Variants in ANKRD30BL observed in about 807,000 individuals in gnomAD.
ANKRD30BL encodes the protein putative ankyrin repeat domain-containing protein 30B-like.
A neutral mutation model predicts 18.4 loss-of-function variants in ANKRD30BL; 20 were observed. That is an observed-to-expected ratio of 1.09 (90% confidence interval 0.77 to 1.58). The LOEUF (loss-of-function observed/expected upper bound fraction) is 1.58, where lower values mean the gene tolerates loss of function less well. ANKRD30BL is among the 40% of genes most tolerant of loss of function. The probability of loss-of-function intolerance (pLI) is 0.00; values close to 1 mark genes in which losing one functional copy is unlikely to be tolerated. For missense variants in ANKRD30BL, 224 were observed against 268.6 expected, an observed-to-expected ratio of 0.83 and a Z score of 1.16; for synonymous variants, 72 against 100.9, an observed-to-expected ratio of 0.71 and a Z score of 1.72.
intron 1 of ANKRD30BL, among the ~76,000 whole-genome samples, chr2:132,252,919 G>A (rs1680697662): frequency 6.6e-6 from 1 of 152,058 alleles, no homozygotes; most frequent in Non-Finnish European, 1.5e-5. Flanking sequence ...TTTCATGGGT[G>A]GCGGTGCTGC....
intron 1 of ANKRD30BL, among the ~76,000 whole-genome samples, chr2:132,208,898 C>T (rs1679263529): frequency 6.6e-6 from 1 of 151,896 alleles, no homozygotes; most frequent in Non-Finnish European, 1.5e-5. Flanking sequence ...GCATTCACCT[C>T]ACAGAGTTGA....
At chr2:132,226,320 G>A (rs13414087) in intron 1 of ANKRD30BL, among the ~76,000 whole-genome samples, 1 of 134,594 alleles carries the variant, frequency 7.4e-6, no homozygotes, top group Non-Finnish European at 1.5e-5. Context: ...TTCTTGGAGC[G>A]CTTTGAGGCC....
At chr2:132,220,555 G>A (rs1295537086) in intron 1 of ANKRD30BL, among the ~76,000 whole-genome samples, 3 of 151,918 alleles carry the variant, frequency 2.0e-5, no homozygotes, top group African/African-American at 7.3e-5. Flanking sequence ...TGGTGGAGAC[G>A]GGGTTTCGCT....
At chr2:132,189,343 G>A (rs1479393181) in intron 1 of ANKRD30BL, among the ~76,000 whole-genome samples, 1 of 152,136 alleles carries the variant, frequency 6.6e-6, no homozygotes, top group African/African-American at 2.4e-5. Flanking sequence ...GATAATTGTG[G>A]TTTGCCTTAT....
At chr2:132,172,121 T>C (rs1426907615) in intron 1 of ANKRD30BL, among the ~76,000 whole-genome samples, 1 of 152,254 alleles carries the variant, frequency 6.6e-6, no homozygotes, top group Non-Finnish European at 1.5e-5. Flanking sequence ...TTCATTCATT[T>C]ATTGATGAAC....
At chr2:132,176,765 T>C (rs371435835) in intron 1 of ANKRD30BL, among the ~76,000 whole-genome samples, 1 of 152,152 alleles carries the variant, frequency 6.6e-6, no homozygotes, top group East Asian at 1.9e-4. Flanking sequence ...CATTTCAGTC[T>C]GGGGGACAGA....
intron 1 of ANKRD30BL, among the ~76,000 whole-genome samples, chr2:132,243,447 C>T (rs1273248937): frequency 6.6e-6 from 1 of 151,300 alleles, no homozygotes; most frequent in African/African-American, 2.4e-5. Context: ...GATGTGTGTA[C>T]TCAAGTGACA....
At chr2:132,185,597 T>A (rs1372151148) in intron 1 of ANKRD30BL, among the ~76,000 whole-genome samples, 3 of 152,272 alleles carry the variant, frequency 2.0e-5, no homozygotes, top group East Asian at 1.9e-4. Flanking sequence ...AAGTCTTGAT[T>A]TTAAGGAAAT....
chr2:132,222,832 T>TTAAAAAA (rs559303905), intron 1 of ANKRD30BL, among the ~76,000 whole-genome samples: 15 of 52,808 alleles, frequency 2.8e-4, no homozygotes, highest in Middle Eastern at 0.026. Flanking sequence ...GAATGATCAA[T>TTAAAAAA]AAAAAAAAAA....
intron 5 of ANKRD30BL, among the ~76,000 whole-genome samples, 166 bp from the exon 6 acceptor site, chr2:132,148,394 C>A (rs1687669409): frequency 9.0e-6 from 1 of 111,522 alleles, no homozygotes; most frequent in African/African-American, 3.4e-5. Context: ...GAGACAAGAG[C>A]CTCGCTCTGT....
chr2:132,206,796 A>T (rs984346934), intron 1 of ANKRD30BL, among the ~76,000 whole-genome samples: 2 of 152,246 alleles, frequency 1.3e-5, no homozygotes, highest in African/African-American at 4.8e-5. Context: ...GAAGCTAGAA[A>T]TCTTAAATGA....
chr2:132,178,178 G>A (rs576018690), intron 1 of ANKRD30BL, among the ~76,000 whole-genome samples: 3 of 152,126 alleles, frequency 2.0e-5, no homozygotes, highest in South Asian at 4.1e-4. Flanking sequence ...GGACCAGTAG[G>A]GAATACAAAA....
At chr2:132,163,444 T>A (rs1359300156), upstream of ANKRD30BL, among the ~76,000 whole-genome samples, 3 of 152,062 alleles carry the variant, frequency 2.0e-5, no homozygotes, top group African/African-American at 2.4e-5. Context: ...TTGCTCCCCA[T>A]CCTTGACAGC....
intron 4 of ANKRD30BL, chr2:132,153,393 G>T: frequency 2.7e-6 from 1 of 373,072 alleles, no homozygotes; most frequent in Non-Finnish European, 5.4e-6. Context: ...CAACATTAGC[G>T]TCCCTAAAGC....
intron 1 of ANKRD30BL, among the ~76,000 whole-genome samples, chr2:132,243,097 G>A (rs1162042740): frequency 1.3e-5 from 2 of 151,342 alleles, no homozygotes; most frequent in Non-Finnish European, 3.0e-5. Context: ...CTTATTTCTG[G>A]TGTGTGCATT....
At chr2:132,184,026 G>A (rs952023041) in intron 1 of ANKRD30BL, among the ~76,000 whole-genome samples, 16 of 151,916 alleles carry the variant, frequency 1.1e-4, no homozygotes, top group Non-Finnish European at 1.5e-5. Context: ...GAAACTCCCA[G>A]AAAATATGGA....
At chr2:132,213,163 G>T (rs994124874) in intron 1 of ANKRD30BL, among the ~76,000 whole-genome samples, 2 of 151,474 alleles carry the variant, frequency 1.3e-5, no homozygotes, top group Admixed American at 1.3e-4. Flanking sequence ...ATTATAACTA[G>T]ACAAAAGCAT....
chr2:132,226,016 T>C (rs1217035832), intron 1 of ANKRD30BL, among the ~76,000 whole-genome samples: 1 of 152,020 alleles, frequency 6.6e-6, no homozygotes, highest in East Asian at 1.9e-4. Context: ...TATCTTCACA[T>C]AAAAACTAGA....
At chr2:132,242,766 T>C (rs1680373119) in intron 1 of ANKRD30BL, among the ~76,000 whole-genome samples, 1 of 151,830 alleles carries the variant, frequency 6.6e-6, no homozygotes, top group South Asian at 2.1e-4. Context: ...ATGTGTGTAC[T>C]CAACTCACAG....
Sources: allele counts gnomAD v4.1 joint callset (sites outside exome capture counted in the v4.1 genomes callset), GRCh38; gene constraint gnomAD v4.1.1; transcripts MANE v1.5; gene names NCBI Gene and HGNC (gene_info 2026-07-23, HGNC 2026-07-21).